Variants in RBFOX1 observed in about 807,000 individuals in gnomAD.
The protein encoded by RBFOX1 is RNA binding protein fox-1 homolog 1.
In RBFOX1, 8 loss-of-function variants were observed where a neutral mutation model predicts 57.7. The ratio of observed to expected loss-of-function variants is 0.14; its 90% CI spans 0.08 to 0.25. The LOEUF is 0.25. Ranked by LOEUF, RBFOX1 falls within the 10% of genes least tolerant of loss-of-function variation. RBFOX1 has a pLI of 1.00. For synonymous variants in RBFOX1, 326 were observed against 222.4 expected, an observed-to-expected ratio of 1.47 and a Z score of -4.15; for missense variants, 611 against 548.5, an observed-to-expected ratio of 1.11 and a Z score of -1.14.
chr16:6,458,980 T>C (rs867121060), intron 2 of RBFOX1, among the ~76,000 whole-genome samples: 78 of 152,326 alleles, frequency 5.1e-4, no homozygotes, highest in African/African-American at 1.9e-3. Context: ...AAGCATTTCT[T>C]CTTGTGCTTT....
At chr16:6,285,671 T>C (rs11077021) in intron 1 of RBFOX1, among the ~76,000 whole-genome samples, 3,689 of 152,252 alleles carry the variant, frequency 0.024, 130 homozygotes, top group African/African-American at 0.076. Context: ...TTCCCTGCTT[T>C]TCCTGCCTAT....
intron 3 of RBFOX1, among the ~76,000 whole-genome samples, chr16:5,728,925 C>T (rs1443271416): frequency 1.3e-5 from 2 of 152,202 alleles, no homozygotes; most frequent in Admixed American, 6.5e-5. Flanking sequence ...TATCACCTCT[C>T]AACCTCAACT....
intron 3 of RBFOX1, among the ~76,000 whole-genome samples, chr16:5,665,595 C>T (rs1567368488): frequency 6.6e-6 from 1 of 152,186 alleles, no homozygotes; most frequent in Non-Finnish European, 1.5e-5. Flanking sequence ...CACCAGTCAC[C>T]ATCAGAGAAC....
At chr16:6,812,941 G>A (rs1439056928) in intron 3 of RBFOX1, among the ~76,000 whole-genome samples, 3 of 152,084 alleles carry the variant, frequency 2.0e-5, no homozygotes, top group African/African-American at 7.2e-5. Flanking sequence ...TTTGGAGACT[G>A]GGAGAATAGG....
chr16:6,731,024 A>T (rs773533328), intron 3 of RBFOX1, among the ~76,000 whole-genome samples: 5 of 152,178 alleles, frequency 3.3e-5, no homozygotes, highest in Admixed American at 1.3e-4. Context: ...AAGAGAGGTT[A>T]TGTTTGCAAC....
At chr16:7,006,963 C>T (rs1027594917) in intron 3 of RBFOX1, among the ~76,000 whole-genome samples, 5 of 152,188 alleles carry the variant, frequency 3.3e-5, no homozygotes, top group African/African-American at 4.8e-5. Flanking sequence ...TTTTCTACCA[C>T]TGCCAGAAGT....
chr16:6,871,121 G>C (rs889252864), intron 3 of RBFOX1, among the ~76,000 whole-genome samples: 1 of 152,222 alleles, frequency 6.6e-6, no homozygotes, highest in Non-Finnish European at 1.5e-5. Flanking sequence ...GATGGAATTT[G>C]ATGAAGGTTC....
chr16:5,260,370 A>C (rs565134969), intron 1 of RBFOX1, among the ~76,000 whole-genome samples: 68 of 152,368 alleles, frequency 4.5e-4, no homozygotes, highest in African/African-American at 1.5e-3. Flanking sequence ...CTATGCACAA[A>C]GATGGCTAGA....
At chr16:7,206,451 T>A (rs2089988799) in intron 4 of RBFOX1, among the ~76,000 whole-genome samples, 1 of 146,894 alleles carries the variant, frequency 6.8e-6, no homozygotes, top group Non-Finnish European at 1.5e-5. Flanking sequence ...TATTTCCTTA[T>A]TAATATATAT....
chr16:5,546,033 AAAG>A (rs1338423712), intron 2 of RBFOX1, among the ~76,000 whole-genome samples: 1 of 152,202 alleles, frequency 6.6e-6, no homozygotes, highest in African/African-American at 2.4e-5. Context: ...TAATAACAAT[AAAG>A]AACTGAAAAT....
intron 1 of RBFOX1, among the ~76,000 whole-genome samples, chr16:5,456,643 A>C (rs1183783119): frequency 6.6e-6 from 1 of 152,152 alleles, no homozygotes; most frequent in Admixed American, 6.5e-5. Flanking sequence ...TCAGTGTATG[A>C]AATATTTCTT....
At chr16:6,527,211 AC>A (rs2096593186) in intron 2 of RBFOX1, among the ~76,000 whole-genome samples, 1 of 152,136 alleles carries the variant, frequency 6.6e-6, no homozygotes, top group East Asian at 1.9e-4. Flanking sequence ...ATGATCTCTG[AC>A]TCCACATTTC....
chr16:6,867,434 G>A (rs184287570), intron 3 of RBFOX1, among the ~76,000 whole-genome samples: 2 of 151,738 alleles, frequency 1.3e-5, no homozygotes, highest in Non-Finnish European at 2.9e-5. Context: ...AGGGAAGAAA[G>A]GGGGCCGGGT....
chr16:5,365,918 G>C (rs2065701083), intron 1 of RBFOX1: 1 of 495,892 alleles, frequency 2.0e-6, no homozygotes, highest in Non-Finnish European at 4.0e-6. Flanking sequence ...AGGAGCACCA[G>C]TTATCTTTAA....
chr16:5,386,840 C>T (rs910402160), intron 1 of RBFOX1, among the ~76,000 whole-genome samples: 2 of 152,168 alleles, frequency 1.3e-5, no homozygotes, highest in African/African-American at 2.4e-5. Flanking sequence ...CACCTGAGGT[C>T]AGGAGTTGGA....
At chr16:5,750,836 G>C (rs1003823575) in intron 3 of RBFOX1, among the ~76,000 whole-genome samples, 3 of 152,362 alleles carry the variant, frequency 2.0e-5, no homozygotes, top group African/African-American at 7.2e-5. Flanking sequence ...GCCTCGCCCT[G>C]CTTCGGCTCA....
chr16:6,042,803 C>T (rs9922340), intron 1 of RBFOX1, among the ~76,000 whole-genome samples: 1 of 152,076 alleles, frequency 6.6e-6, no homozygotes, highest in Non-Finnish European at 1.5e-5. Context: ...AAAGGCAGGA[C>T]ATCTTGAAAT....
At chr16:5,731,068 G>A (rs2052352667) in intron 3 of RBFOX1, among the ~76,000 whole-genome samples, 1 of 151,554 alleles carries the variant, frequency 6.6e-6, no homozygotes, top group South Asian at 2.1e-4. Flanking sequence ...ACCAATGTAA[G>A]CACCATCACC....
chr16:5,726,349 C>T (rs528934664), intron 3 of RBFOX1, among the ~76,000 whole-genome samples: 1 of 152,214 alleles, frequency 6.6e-6, no homozygotes, highest in African/African-American at 2.4e-5. Flanking sequence ...TATGACCGGC[C>T]CTCTCTAAAT....
Sources: allele counts gnomAD v4.1 joint callset (sites outside exome capture counted in the v4.1 genomes callset), GRCh38; gene constraint gnomAD v4.1.1; transcripts MANE v1.5; gene names NCBI Gene and HGNC (gene_info 2026-07-23, HGNC 2026-07-21).